Variants in JMJD1C observed in about 807,000 individuals in gnomAD.
JMJD1C encodes jumonji domain-containing protein 1C.
A neutral mutation model predicts 245.3 loss-of-function variants in JMJD1C; 31 were observed. The observed-to-expected ratio is 0.13, with a 90% CI of 0.09 to 0.17. JMJD1C has a LOEUF of 0.17. Ranked by LOEUF, JMJD1C falls within the 10% of genes least tolerant of loss-of-function variation. The probability of loss-of-function intolerance (pLI) is 1.00; values close to 1 mark genes in which losing one functional copy is unlikely to be tolerated. For synonymous variants in JMJD1C, 1,057 were observed against 1,017.4 expected (o/e 1.04, Z -0.74); for missense variants, 2,691 against 3,000.2 (o/e 0.90, Z 2.41).
intron 1 of JMJD1C, among the ~76,000 whole-genome samples, chr10:63,499,841 A>G (rs910431684): frequency 8.5e-5 from 13 of 152,246 alleles, no homozygotes; most frequent in African/African-American, 3.1e-4. Flanking sequence ...AAAATATTTC[A>G]GAAGAAAATC....
intron 2 of JMJD1C, among the ~76,000 whole-genome samples, chr10:63,330,435 C>T (rs1485338940): frequency 1.3e-5 from 2 of 151,914 alleles, no homozygotes; most frequent in African/African-American, 4.8e-5. Flanking sequence ...CATTCATGTT[C>T]TACTTTTCTA....
At chr10:63,387,087 G>A (rs527653884) in intron 1 of JMJD1C, among the ~76,000 whole-genome samples, 1 of 151,598 alleles carries the variant, frequency 6.6e-6, no homozygotes, top group Non-Finnish European at 1.5e-5. Context: ...AAATCACATG[G>A]AGTCTACACC....
intron 1 of JMJD1C, among the ~76,000 whole-genome samples, chr10:63,453,391 C>T (rs1351880753): frequency 1.3e-5 from 2 of 152,096 alleles, no homozygotes; most frequent in South Asian, 2.1e-4. Context: ...AACAGATTTG[C>T]TTACCTATTA....
chr10:63,435,385 A>G (rs1951004001), intron 1 of JMJD1C, among the ~76,000 whole-genome samples: 1 of 152,216 alleles, frequency 6.6e-6, no homozygotes, highest in Non-Finnish European at 1.5e-5. Context: ...ATGACTGAAT[A>G]AATCAAATAA....
intron 1 of JMJD1C, among the ~76,000 whole-genome samples, chr10:63,409,733 CTGTT>C (rs1949376738): frequency 6.6e-6 from 1 of 152,152 alleles, no homozygotes; most frequent in African/African-American, 2.4e-5. Context: ...TGGCATGTAT[CTGTT>C]TGTGGGAGAC....
chr10:63,183,589 T>A lies in JMJD1C; in HGVS notation c.6962-20A>T. 2 of 1,433,594 alleles carry A rather than the reference T, an allele frequency of 1.4e-6. No individual in the cohort carries two copies. The highest frequency in any genetic ancestry group is 1.9e-6 in the Non-Finnish European group (2 of 1,054,510). The allele number at this position is 1,433,594 out of a possible 1,614,324, so 88.8% of individuals were successfully genotyped here. ...CTACACCTGTATATAAAACAAAATT[T>A]TACTTGACAAAATATTTATATATAT... On this transcript the variant is annotated intron_variant, in intron 21 of 25. Coordinates refer to ENST00000399262, the MANE Select transcript of JMJD1C (RefSeq NM_032776.3).
chr10:63,467,935 C>G (rs1953365566), upstream of JMJD1C, among the ~76,000 whole-genome samples: 1 of 152,180 alleles, frequency 6.6e-6, no homozygotes, highest in African/African-American at 2.4e-5. Context: ...GCAAATTCAT[C>G]AGTTATTACA....
At chr10:63,213,068 C>T (rs771233654) in intron 8 of JMJD1C, among the ~76,000 whole-genome samples, 56 of 150,804 alleles carry the variant, frequency 3.7e-4, no homozygotes, top group Non-Finnish European at 4.6e-4. Flanking sequence ...CACCTGTAAT[C>T]CCAGCTACTC....
chr10:63,513,835 C>T (rs536710532), intron 1 of JMJD1C, among the ~76,000 whole-genome samples: 5 of 152,084 alleles, frequency 3.3e-5, no homozygotes, highest in Non-Finnish European at 7.4e-5. Context: ...ATGGCGTGAA[C>T]CCGGGAGGTG....
chr10:63,339,046 A>AGGCCC (rs1943133104), intron 2 of JMJD1C, among the ~76,000 whole-genome samples: 1 of 152,144 alleles, frequency 6.6e-6, no homozygotes, highest in African/African-American at 2.4e-5. Context: ...TCATCCCAAG[A>AGGCCC]GGCCCCTTGT....
chr10:63,266,832 A>C (rs1328544592), intron 2 of JMJD1C, among the ~76,000 whole-genome samples: 1 of 152,160 alleles, frequency 6.6e-6, no homozygotes, highest in African/African-American at 2.4e-5. Flanking sequence ...GGTGGCTTGC[A>C]TTTCCTATGA....
intron 5 of JMJD1C, 116 bp downstream of exon 5, chr10:63,217,091 C>T (rs975601771): frequency 3.7e-5 from 34 of 917,966 alleles, no homozygotes; most frequent in South Asian, 9.3e-5. Context: ...TAGAATTACA[C>T]GACTAAAAAC....
At chr10:63,397,470 C>T (rs529354468) in intron 1 of JMJD1C, among the ~76,000 whole-genome samples, 1 of 152,220 alleles carries the variant, frequency 6.6e-6, no homozygotes, top group South Asian at 2.1e-4. Flanking sequence ...GCCTCGGCCT[C>T]CCAAAGTGTT....
intron 2 of JMJD1C, among the ~76,000 whole-genome samples, chr10:63,361,719 T>TAAAAAAAAAAAAAAAAAACAAAAAA (rs1945347679): frequency 1.0e-5 from 1 of 95,606 alleles, no homozygotes; most frequent in Non-Finnish European, 2.0e-5. Context: ...CTGTCTCAAC[T>TAAAAAAAAAAAAAAAAAACAAAAAA]AAAAAAAAAA....
chr10:63,341,502 C>T (rs1355922645), intron 2 of JMJD1C, among the ~76,000 whole-genome samples: 2 of 152,192 alleles, frequency 1.3e-5, no homozygotes, highest in Non-Finnish European at 2.9e-5. Context: ...CAGGCAAAAA[C>T]TTGTGTCCTC....
At chr10:63,289,221 A>T (rs1443693622) in intron 2 of JMJD1C, among the ~76,000 whole-genome samples, 1 of 152,168 alleles carries the variant, frequency 6.6e-6, no homozygotes, top group Non-Finnish European at 1.5e-5. Context: ...GAACTAGTGA[A>T]ATTTAAATCA....
intron 1 of JMJD1C, among the ~76,000 whole-genome samples, chr10:63,493,510 G>A (rs1193700136): frequency 6.6e-6 from 1 of 152,040 alleles, no homozygotes; most frequent in Non-Finnish European, 1.5e-5. Context: ...TCAAACTCCT[G>A]ACCTCAGGTG....
At chr10:63,308,751 CAAA>C (rs377153800) in intron 2 of JMJD1C, among the ~76,000 whole-genome samples, 13 of 49,860 alleles carry the variant, frequency 2.6e-4, no homozygotes, top group African/African-American at 8.3e-4. Context: ...CATTTGAGAA[CAAA>C]AAAAAAAAAA....
chr10:63,209,622 C>G (rs1042223200), intron 8 of JMJD1C, among the ~76,000 whole-genome samples: 1 of 152,108 alleles, frequency 6.6e-6, no homozygotes, highest in African/African-American at 2.4e-5. Flanking sequence ...CACATTTCAT[C>G]AGAAATAGAA....
Sources: gnomAD v4.1 joint callset for allele counts (sites outside exome capture counted in the v4.1 genomes callset) on GRCh38, gnomAD v4.1.1 for gene constraint, MANE v1.5 for transcripts, NCBI Gene and HGNC (gene_info 2026-07-23, HGNC 2026-07-21) for gene names.